The following NDRG3 variants were observed in gnomAD, a reference collection of about 807,000 sequenced individuals.
NDRG3 encodes the protein NDRG family member 3, also known as protein NDRG3.
In NDRG3, 23 loss-of-function variants were observed where a neutral mutation model predicts 57.2. The observed-to-expected ratio is 0.40, with a 90% CI of 0.29 to 0.57. NDRG3 has a LOEUF of 0.57. Ranked by LOEUF, NDRG3 falls within the 20% of genes least tolerant of loss-of-function variation. The probability of loss-of-function intolerance (pLI) is 0.42; values close to 1 mark genes in which losing one functional copy is unlikely to be tolerated. For synonymous variants in NDRG3, 132 were observed against 162.6 expected, an observed-to-expected ratio of 0.81 and a Z score of 1.43; for missense variants, 384 against 457.3, an observed-to-expected ratio of 0.84 and a Z score of 1.46.
chr20:36,692,500 A>G (rs1982351092), intron 3 of NDRG3, among the ~76,000 whole-genome samples: 1 of 152,174 alleles, frequency 6.6e-6, no homozygotes, highest in Admixed American at 6.5e-5. Flanking sequence ...CTGGGATTAC[A>G]GGCGTGAGCC....
chr20:36,680,561 T>A (rs185835395), intron 8 of NDRG3, among the ~76,000 whole-genome samples: 1 of 152,006 alleles, frequency 6.6e-6, no homozygotes, highest in East Asian at 1.9e-4. Context: ...AAAACTTATC[T>A]CTGGTAACAA....
rs765965499 is a variant in NDRG3 at position 36,687,507 on chromosome 20, G to A, written c.305C>T (p.Pro102Leu). The A allele has an allele frequency of 6.2e-7, 1 of 1,613,690 alleles. No individual in the cohort carries two copies. The highest frequency in any genetic ancestry group is 1.1e-5 in the South Asian group (1 of 91,022). Residue 102 changes from proline (P) to leucine (L), a missense_variant, in exon 5 of 16, where the codon CCC (proline) becomes CTC (leucine). Physicochemically the swap from Pro to Leu is moderately conservative, Grantham distance 98 (BLOSUM62 -3). Transcript: ENST00000349004. ...GTGGCCTTACCCTGTTGGGAAAGAGGGTGCACCTTCCTGCTGGCCTGGGGC... is the reference window on the plus strand; with the variant it reads ...GTGGCCTTACCCTGTTGGGAAAGAGAGTGCACCTTCCTGCTGGCCTGGGGC... ...VDAPGQQEGA[P>L]SFPTGYQYPT...
intron 2 of NDRG3, among the ~76,000 whole-genome samples, chr20:36,711,695 A>G (rs901687583): frequency 2.0e-5 from 3 of 152,124 alleles, no homozygotes; most frequent in Non-Finnish European, 4.4e-5. Context: ...GCAAAAAACA[A>G]CTCTGTGTTC....
At chr20:36,702,646 C>A (rs1052312033) in intron 3 of NDRG3, among the ~76,000 whole-genome samples, 1 of 152,068 alleles carries the variant, frequency 6.6e-6, no homozygotes, top group African/African-American at 2.4e-5. Flanking sequence ...GTCTCAGCCT[C>A]CCAAACAGCT....
intron 3 of NDRG3, among the ~76,000 whole-genome samples, chr20:36,703,171 T>C (rs1458562345): frequency 6.6e-6 from 1 of 152,136 alleles, no homozygotes; most frequent in Non-Finnish European, 1.5e-5. Flanking sequence ...ATATATCATA[T>C]ACACATATAA....
intron 3 of NDRG3, 135 bp from the exon 4 acceptor site, chr20:36,688,919 C>G (rs1201866368): frequency 3.0e-6 from 2 of 676,714 alleles, no homozygotes; most frequent in East Asian, 5.4e-5. Context: ...TGTGGCTGGG[C>G]GTGGTGGTTC....
At chr20:36,721,340 C>G (rs576885635) in intron 2 of NDRG3, among the ~76,000 whole-genome samples, 14 of 151,710 alleles carry the variant, frequency 9.2e-5, no homozygotes, top group African/African-American at 3.4e-4. Context: ...ACCATCCTGG[C>G]CAACATGATG....
rs777265852 is a variant in NDRG3 at position 36,687,500 on chromosome 20, G to A, written c.312C>T (p.Phe104=). The change falls in exon 5 of 16, where the codon TTC becomes TTT. Residue 104 remains phenylalanine, a synonymous_variant. Coordinates refer to ENST00000349004, the MANE Select transcript of NDRG3 (RefSeq NM_032013.4). Reference sequence around the variant, plus strand: ...TCTTTTCGTGGCCTTACCCTGTTGGGAAAGAGGGTGCACCTTCCTGCTGGC... The same window carrying A: ...TCTTTTCGTGGCCTTACCCTGTTGGAAAAGAGGGTGCACCTTCCTGCTGGC... The part of the protein sequence containing the change: ...APGQQEGAPS[F]PTGYQYPTMD... 1.2e-5 allele frequency: 19 copies of A among 1,613,424 alleles called. No homozygotes were observed. The highest frequency in any genetic ancestry group is 1.6e-5 in the Non-Finnish European group (19 of 1,179,936).
chr20:36,715,239 G>A (rs930383814), intron 2 of NDRG3, among the ~76,000 whole-genome samples: 6 of 151,012 alleles, frequency 4.0e-5, no homozygotes, highest in Admixed American at 6.6e-5. Context: ...CTAAGGTGTG[G>A]CTAAGATGTG....
chr20:36,693,564 G>A (rs1982523595), intron 3 of NDRG3, among the ~76,000 whole-genome samples: 1 of 151,910 alleles, frequency 6.6e-6, no homozygotes, highest in Non-Finnish European at 1.5e-5. Flanking sequence ...AGGAGGAGGT[G>A]AGTGGCAGGT....
intron 1 of NDRG3, among the ~76,000 whole-genome samples, chr20:36,743,902 CTT>C (rs1188148076): frequency 6.7e-5 from 8 of 119,066 alleles, no homozygotes; most frequent in African/African-American, 2.2e-4. Context: ...CATAAACAAG[CTT>C]TTTTTTTTTT....
At chr20:36,714,955 C>A (rs1984147180) in intron 2 of NDRG3, among the ~76,000 whole-genome samples, 1 of 129,056 alleles carries the variant, frequency 7.7e-6, no homozygotes, top group Admixed American at 9.2e-5. Flanking sequence ...AACTGATAAT[C>A]CAGGGATAAG....
At chr20:36,683,968 T>C (rs1299979705) in intron 6 of NDRG3, among the ~76,000 whole-genome samples, 3 of 152,188 alleles carry the variant, frequency 2.0e-5, no homozygotes, top group East Asian at 3.8e-4. Context: ...CTCAGTGAGA[T>C]GAACGTTTTT....
rs570493434 is a variant in NDRG3, at chr20:36,744,922, T to C, written c.-49+1123A>G. Among the ~76,000 whole-genome samples, 4 of 142,072 alleles carry C rather than the reference T, an allele frequency of 2.8e-5. No homozygotes were observed. The South Asian group carries it at 9.4e-4, about 34-fold the overall frequency. 93.2% of individuals were successfully genotyped at this position (142,072 alleles called of 152,430 possible). A position where few individuals can be genotyped will look rare whatever the true frequency, so the allele number is the denominator to read the frequency against. On this transcript the variant is annotated intron_variant, in intron 1 of 15. Coordinates refer to ENST00000349004, the MANE Select transcript of NDRG3 (RefSeq NM_032013.4). ...GCCCAGTCAGCCCAGTCCTGCTCTC[T>C]TGGCAGGAAAGGAAGGCTAATAATA...
At chr20:36,728,587 G>A (rs977843501) in intron 1 of NDRG3, among the ~76,000 whole-genome samples, 9 of 152,198 alleles carry the variant, frequency 5.9e-5, no homozygotes, top group African/African-American at 1.7e-4. Flanking sequence ...CAAAAAGATT[G>A]GGGTTTTGGA....
chr20:36,671,411 A>T lies in NDRG3; in HGVS notation c.532-14T>A, dbSNP rs1600869079. ...CAGGCCAGAGAGCTGAAAAGATAAAAACTCTGTGTTAAGAATGTAAGCATA... is the reference window on the plus strand; with the variant it reads ...CAGGCCAGAGAGCTGAAAAGATAAATACTCTGTGTTAAGAATGTAAGCATA... On this transcript the variant is annotated splice_polypyrimidine_tract_variant and intron_variant, in intron 8 of 15. Transcript: ENST00000349004. 1 of 1,611,768 alleles carries T rather than the reference A, an allele frequency of 6.2e-7. No individual in the cohort carries two copies. Among genetic ancestry groups the T allele is most frequent in the South Asian group, 1.1e-5 (1 of 90,708 alleles).
Position 36,665,236 on chromosome 20 carries a change from T to C in NDRG3, c.758A>G (p.Lys253Arg). ...CAGCTGAGGAAACTGAGGAACTTAC[T>C]TTAATGTTTTTGATTTGTTATCATT... is the stretch of plus-strand genomic sequence containing the variant. The part of the protein sequence containing the change: ...GQNDNKSKTL[K>R]CSTLLVVGDN... Residue 253 changes from lysine to arginine, a missense_variant and splice_region_variant, in exon 11 of 16, where the codon AAG becomes AGG. By Grantham distance (26) the Lys-to-Arg change is conservative. Transcript: ENST00000349004. 6.2e-7 allele frequency: 1 copy of C among 1,614,144 alleles called. No homozygotes were observed. Among genetic ancestry groups the C allele is most frequent in the Non-Finnish European group, 8.5e-7 (1 of 1,179,964 alleles).
chr20:36,654,412 T>G (rs1978471285), intron 15 of NDRG3, among the ~76,000 whole-genome samples: 1 of 152,226 alleles, frequency 6.6e-6, no homozygotes, highest in South Asian at 2.1e-4. Context: ...ATTTCAATGC[T>G]GGGGTCAAAA....
At chr20:36,744,971 G>GA (rs1200225180) in intron 1 of NDRG3, among the ~76,000 whole-genome samples, 1 of 151,322 alleles carries the variant, frequency 6.6e-6, no homozygotes, top group Non-Finnish European at 1.5e-5. Context: ...AGGGTAAGGG[G>GA]GGGGGGGGGC....
Sources: gnomAD v4.1 joint callset for allele counts (sites outside exome capture counted in the v4.1 genomes callset) on GRCh38, gnomAD v4.1.1 for gene constraint, MANE v1.5 for transcripts, NCBI Gene and HGNC (gene_info 2026-07-23, HGNC 2026-07-21) for gene names.